LARGE1: variants seen among roughly 807,000 people sequenced by gnomAD.
The protein encoded by LARGE1 is xylosyl- and glucuronyltransferase LARGE1.
In LARGE1, 43 loss-of-function variants were observed where a neutral mutation model predicts 87.6. The observed-to-expected ratio is 0.49, with a 90% CI of 0.38 to 0.63. LARGE1 has a LOEUF of 0.63. LARGE1 is among the 30% of genes least tolerant of loss of function. The pLI is 0.00. For missense variants in LARGE1, 802 were observed against 1,000.2 expected, an observed-to-expected ratio of 0.80 and a Z score of 2.67; for synonymous variants, 434 against 394.6, an observed-to-expected ratio of 1.10 and a Z score of -1.18.
chr22:33,355,228 C>T (rs1333845761), intron 9 of LARGE1, among the ~76,000 whole-genome samples: 1 of 152,184 alleles, frequency 6.6e-6, no homozygotes, highest in Non-Finnish European at 1.5e-5. Context: ...GTAGCACCTT[C>T]ATTTCTGACC....
At chr22:33,328,489 G>A (rs1438613541) in intron 10 of LARGE1, among the ~76,000 whole-genome samples, 1 of 152,030 alleles carries the variant, frequency 6.6e-6, no homozygotes. Context: ...CTGAGGCAGA[G>A]AATTGCTTGA....
intron 6 of LARGE1, among the ~76,000 whole-genome samples, chr22:33,558,134 T>A (rs1023883008): frequency 1.3e-5 from 2 of 152,144 alleles, no homozygotes; most frequent in Non-Finnish European, 2.9e-5. Context: ...CAGGAGTGAA[T>A]GTGAGATGCG....
intron 1 of LARGE1, among the ~76,000 whole-genome samples, chr22:33,763,509 A>C (rs1181952150): frequency 1.3e-5 from 2 of 152,194 alleles, no homozygotes; most frequent in East Asian, 3.9e-4. Context: ...CTACGTACAC[A>C]TTCCACCAGT....
At chr22:33,715,091 T>C (rs983329052) in intron 2 of LARGE1, among the ~76,000 whole-genome samples, 3 of 152,180 alleles carry the variant, frequency 2.0e-5, no homozygotes, top group Admixed American at 1.3e-4. Context: ...CATGAGAAGC[T>C]TGGGCTAGAA....
chr22:33,725,878 G>A (rs2227025), intron 2 of LARGE1: 1 of 95,706 alleles, frequency 1.0e-5, no homozygotes, highest in East Asian at 3.4e-4. Flanking sequence ...TTTCAGCCAA[G>A]GGCAATTTGC....
chr22:33,440,546 A>AT (rs896338738), intron 6 of LARGE1, among the ~76,000 whole-genome samples: 29 of 152,180 alleles, frequency 1.9e-4, no homozygotes, highest in African/African-American at 7.0e-4. Flanking sequence ...CCAACCTCAT[A>AT]TTTATTCTAA....
chr22:33,848,399 T>G (rs921765995), intron 1 of LARGE1, among the ~76,000 whole-genome samples: 1 of 132,430 alleles, frequency 7.6e-6, no homozygotes, highest in Non-Finnish European at 1.6e-5. Flanking sequence ...GGGCAGGCAC[T>G]GAGAGTCTTT....
At chr22:33,816,689 T>TAGATAGACAGAC (rs1230056474) in intron 1 of LARGE1, among the ~76,000 whole-genome samples, 206 of 132,478 alleles carry the variant, frequency 1.6e-3, no homozygotes, top group African/African-American at 5.1e-3. Context: ...GATAGATAGA[T>TAGATAGACAGAC]AGACAGACAG....
At chr22:33,520,595 A>G (rs970308374) in intron 6 of LARGE1, among the ~76,000 whole-genome samples, 1 of 152,210 alleles carries the variant, frequency 6.6e-6, no homozygotes, top group Non-Finnish European at 1.5e-5. Context: ...GAGCTGAGCC[A>G]CATCAGCTTG....
At chr22:33,801,444 A>G (rs2086157727) in intron 1 of LARGE1, among the ~76,000 whole-genome samples, 1 of 152,122 alleles carries the variant, frequency 6.6e-6, no homozygotes, top group African/African-American at 2.4e-5. Context: ...GTCTTAATTT[A>G]TATTTCCCTG....
intron 6 of LARGE1, among the ~76,000 whole-genome samples, chr22:33,474,250 G>A (rs375373940): frequency 6.6e-6 from 1 of 152,006 alleles, no homozygotes; most frequent in Non-Finnish European, 1.5e-5. Context: ...TGCAACCTCC[G>A]CCTCCCAGGT....
intron 11 of LARGE1, among the ~76,000 whole-genome samples, chr22:33,245,960 T>C (rs1456123178): frequency 6.6e-6 from 1 of 152,136 alleles, no homozygotes; most frequent in African/African-American, 2.4e-5. Context: ...ATGAGAAGTG[T>C]CAATAAAAAG....
intron 5 of LARGE1, among the ~76,000 whole-genome samples, chr22:33,585,499 G>A (rs2078645446): frequency 6.6e-6 from 1 of 152,040 alleles, no homozygotes; most frequent in African/African-American, 2.4e-5. Flanking sequence ...TCCCTGTTTG[G>A]TAATGAGAGA....
the LARGE1 span, among the ~76,000 whole-genome samples, chr22:33,131,033 CAAAAAAAAAA>C: frequency 6.6e-4 from 47 of 70,926 alleles, no homozygotes; most frequent in African/African-American, 1.9e-3. Flanking sequence ...GACTCCGTCT[CAAAAAAAAAA>C]AAAAAAAAAA....
chr22:33,672,248 G>T (rs1032677084), intron 2 of LARGE1, among the ~76,000 whole-genome samples: 1 of 152,112 alleles, frequency 6.6e-6, no homozygotes, highest in African/African-American at 2.4e-5. Flanking sequence ...AATGGTCAGA[G>T]GACCAGAGAC....
At chr22:33,620,609 T>C (rs1004668848) in intron 4 of LARGE1, among the ~76,000 whole-genome samples, 1 of 152,162 alleles carries the variant, frequency 6.6e-6, no homozygotes, top group Non-Finnish European at 1.5e-5. Context: ...ACCAAAAATA[T>C]ATGTAACACT....
chr22:33,527,329 A>G (rs1181692348), intron 6 of LARGE1, among the ~76,000 whole-genome samples: 1 of 152,218 alleles, frequency 6.6e-6, no homozygotes, highest in African/African-American at 2.4e-5. Context: ...CTGTTTTCCC[A>G]AGCGTACTCC....
intron 9 of LARGE1, among the ~76,000 whole-genome samples, chr22:33,348,123 G>A (rs1222105820): frequency 6.6e-6 from 1 of 152,120 alleles, no homozygotes; most frequent in South Asian, 2.1e-4. Context: ...AGACTTCAAG[G>A]AGTGACCCGA....
At chr22:33,233,496 C>T (rs1035811621) in intron 11 of LARGE1, among the ~76,000 whole-genome samples, 1 of 152,132 alleles carries the variant, frequency 6.6e-6, no homozygotes, top group Non-Finnish European at 1.5e-5. Context: ...CTCCTTCCTT[C>T]CTTGTTTTTA....
Sources: gnomAD v4.1 joint callset for allele counts (sites outside exome capture counted in the v4.1 genomes callset) on GRCh38, gnomAD v4.1.1 for gene constraint, MANE v1.5 for transcripts, NCBI Gene and HGNC (gene_info 2026-07-23, HGNC 2026-07-21) for gene names.